RAB39A: variants seen among roughly 807,000 people sequenced by gnomAD.
RAB39A encodes ras-related protein Rab-39A.
Under a neutral mutation model 20.9 loss-of-function variants are expected in RAB39A, and 17 were observed. That is an observed-to-expected ratio of 0.81 (90% CI 0.56 to 1.22). RAB39A has a LOEUF of 1.22. RAB39A is among the 50% of genes most tolerant of loss of function. The probability of loss-of-function intolerance (pLI) is 0.00; values close to 1 mark genes in which losing one functional copy is unlikely to be tolerated. For missense variants in RAB39A, 234 were observed against 270.5 expected (o/e 0.87, Z 0.95); for synonymous variants, 99 against 103.4 (o/e 0.96, Z 0.26).
intron 1 of RAB39A, among the ~76,000 whole-genome samples, chr11:107,942,098 CAAAAAAAAAAAAAA>C (rs10537482): frequency 3.6e-5 from 3 of 83,752 alleles, no homozygotes; most frequent in African/African-American, 9.9e-5. Context: ...GATTCCATCT[CAAAAAAAAAAAAAA>C]AAAAAAAAAG....
intron 1 of RAB39A, among the ~76,000 whole-genome samples, chr11:107,949,524 C>A (rs1286245727): frequency 2.6e-5 from 4 of 152,070 alleles, no homozygotes; most frequent in African/African-American, 9.7e-5. Flanking sequence ...AGAATTATAA[C>A]CCAAGAAAAC....
At chr11:107,961,597 C>T (rs1304897549) in intron 1 of RAB39A, among the ~76,000 whole-genome samples, 1 of 152,106 alleles carries the variant, frequency 6.6e-6, no homozygotes, top group Non-Finnish European at 1.5e-5. Context: ...CAACCTGTGC[C>T]CTTTACTCAG....
intron 1 of RAB39A, among the ~76,000 whole-genome samples, chr11:107,953,005 G>A (rs1861396957): frequency 2.6e-5 from 4 of 152,234 alleles, no homozygotes. Context: ...GATGGTTCTT[G>A]GAGGCTGTGG....
chr11:107,942,136 AG>A (rs1861266562), intron 1 of RAB39A, among the ~76,000 whole-genome samples: 1 of 151,586 alleles, frequency 6.6e-6, no homozygotes, highest in South Asian at 2.1e-4. Context: ...GACATTTGAT[AG>A]AACAGATGGG....
intron 1 of RAB39A, among the ~76,000 whole-genome samples, chr11:107,935,277 G>A (rs1861181811): frequency 6.6e-6 from 1 of 152,180 alleles, no homozygotes; most frequent in South Asian, 2.1e-4. Flanking sequence ...GAAAGTAGCA[G>A]GAGGAACGCA....
chr11:107,949,833 C>T (rs548414434), intron 1 of RAB39A, among the ~76,000 whole-genome samples: 2 of 152,244 alleles, frequency 1.3e-5, no homozygotes, highest in African/African-American at 2.4e-5. Context: ...CTGCAAAGTA[C>T]GATTTAAATT....
intron 1 of RAB39A, among the ~76,000 whole-genome samples, chr11:107,946,292 A>C (rs1291620466): frequency 1.4e-5 from 2 of 142,982 alleles, no homozygotes; most frequent in African/African-American, 5.2e-5. Context: ...CATTGCAACC[A>C]TAAAGGAACA....
In RAB39A at chr11:107,928,652, C is replaced by T. The variant is rs570643227; in HGVS notation, c.84C>T (p.Phe28=). The T allele has an allele frequency of 7.4e-6, 12 of 1,612,250 alleles. No individual in the cohort carries two copies. The East Asian group carries it at 2.5e-4, about 33-fold the overall frequency. The change falls in exon 1 of 2, where the codon TTC becomes TTT. Residue 28 remains phenylalanine, a synonymous_variant. Transcript: ENST00000320578. The surrounding 1 kb of genome is among the most constrained non-coding windows in gnomAD (Gnocchi z 4.9). ...TVGKSCLLHR[F]TQGRFPGLRS... is the part of the protein sequence containing the mutation. ...GCAAGTCCTGCCTCCTGCACCGCTTCACCCAGGGCCGCTTCCCCGGGCTGC... is the reference window on the plus strand; with the variant it reads ...GCAAGTCCTGCCTCCTGCACCGCTTTACCCAGGGCCGCTTCCCCGGGCTGC...
At position 107,928,946 on chromosome 11, in the gene RAB39A, G is replaced by A. The variant is rs1166731382; in HGVS notation, c.227+151G>A. ...AACACTCCATTCTCGCTTCCCCTTTGCCCCTCCTCTTCCAGGGACGACTTC... is the reference window on the plus strand; with the variant it reads ...AACACTCCATTCTCGCTTCCCCTTTACCCCTCCTCTTCCAGGGACGACTTC... On this transcript the variant is annotated intron_variant, in intron 1 of 1. Transcript: ENST00000320578. This position sits in a 1 kb window ranked among gnomAD's most constrained non-coding sequence, Gnocchi z 4.9. The A allele has an allele frequency of 1.2e-5, 6 of 518,898 alleles. No individual in the cohort carries two copies. Among genetic ancestry groups the A allele is most frequent in the East Asian group, 3.3e-5 (1 of 30,088 alleles). The allele number at this position is 518,898 out of a possible 1,614,324, so 32.1% of individuals were successfully genotyped here.
chr11:107,946,696 G>A (rs60181123), intron 1 of RAB39A, among the ~76,000 whole-genome samples: 3 of 150,422 alleles, frequency 2.0e-5, no homozygotes, highest in Non-Finnish European at 4.4e-5. Context: ...GGATGGTCTC[G>A]ATCTCCTGAC....
chr11:107,957,960 C>T (rs186014564), intron 1 of RAB39A, among the ~76,000 whole-genome samples: 26 of 151,758 alleles, frequency 1.7e-4, no homozygotes, highest in Non-Finnish European at 3.4e-4. Context: ...GGTGTGATCT[C>T]AGCTCACTGC....
chr11:107,936,176 A>C (rs1373751988), intron 1 of RAB39A, among the ~76,000 whole-genome samples: 1 of 152,142 alleles, frequency 6.6e-6, no homozygotes, highest in African/African-American at 2.4e-5. Flanking sequence ...GTGGCATTAC[A>C]GGCGTGAGCC....
chr11:107,931,112 G>A (rs148533785), intron 1 of RAB39A, among the ~76,000 whole-genome samples: 10,008 of 151,698 alleles, frequency 0.066, 361 homozygotes, highest in African/African-American at 0.1. Context: ...GAGTAGCTGG[G>A]ATTACAGGCA....
chr11:107,953,516 C>T (rs1050715823), intron 1 of RAB39A, among the ~76,000 whole-genome samples: 16 of 152,146 alleles, frequency 1.1e-4, no homozygotes, highest in African/African-American at 3.4e-4. Flanking sequence ...CCTGCTCACC[C>T]CCTGCCATAA....
At chr11:107,936,681 A>T (rs971825262) in intron 1 of RAB39A, among the ~76,000 whole-genome samples, 1 of 152,162 alleles carries the variant, frequency 6.6e-6, no homozygotes, top group Non-Finnish European at 1.5e-5. Flanking sequence ...ATGGCCTTCA[A>T]AAGAAAACGA....
chr11:107,955,181 T>C (rs1047425412), intron 1 of RAB39A, among the ~76,000 whole-genome samples: 2 of 151,866 alleles, frequency 1.3e-5, no homozygotes, highest in Non-Finnish European at 2.9e-5. Flanking sequence ...GTATTTTTAG[T>C]AGAGACGGGG....
chr11:107,934,929 CAAAA>C (rs55682157), intron 1 of RAB39A, among the ~76,000 whole-genome samples: 5 of 101,634 alleles, frequency 4.9e-5, no homozygotes, highest in African/African-American at 1.5e-4. Context: ...GACTTCGTCT[CAAAA>C]AAAAAAAAAA....
chr11:107,934,155 C>T (rs1020088754), intron 1 of RAB39A, among the ~76,000 whole-genome samples: 3 of 152,046 alleles, frequency 2.0e-5, no homozygotes, highest in African/African-American at 7.2e-5. Context: ...AGGCTGGATG[C>T]GGTGAGTCAC....
chr11:107,935,029 C>G (rs1861180178), intron 1 of RAB39A, among the ~76,000 whole-genome samples: 2 of 151,664 alleles, frequency 1.3e-5, no homozygotes, highest in African/African-American at 4.8e-5. Context: ...ATCTTCCCGG[C>G]CTTTGCCTGC....
Sources: gnomAD v4.1 joint callset for allele counts (sites outside exome capture counted in the v4.1 genomes callset) on GRCh38, gnomAD v4.1.1 for gene constraint, Gnocchi (gnomAD v3.1) non-coding constraint, MANE v1.5 for transcripts, NCBI Gene and HGNC (gene_info 2026-07-23, HGNC 2026-07-21) for gene names.